The following CPNE8 variants were observed in gnomAD, a reference collection of about 807,000 sequenced individuals.
The protein encoded by CPNE8 is copine 8, also known as copine-8.
A neutral mutation model predicts 81.5 loss-of-function variants in CPNE8; 45 were observed. The ratio of observed to expected loss-of-function variants is 0.55; its 90% CI spans 0.44 to 0.71. The LOEUF (loss-of-function observed/expected upper bound fraction) is 0.71. CPNE8 is among the 30% of genes least tolerant of loss of function. The pLI is 0.00. For synonymous variants in CPNE8, 252 were observed against 226.3 expected, an observed-to-expected ratio of 1.11 and a Z score of -1.02; for missense variants, 594 against 672.1, an observed-to-expected ratio of 0.88 and a Z score of 1.28.
intron 19 of CPNE8, among the ~76,000 whole-genome samples, chr12:38,659,648 T>G (rs1367086051): frequency 6.6e-6 from 1 of 152,198 alleles, no homozygotes; most frequent in Non-Finnish European, 1.5e-5. Flanking sequence ...GAGTTGGAAG[T>G]AAAGCGCTCC....
At chr12:38,815,986 A>C (rs1211930819) in intron 6 of CPNE8, among the ~76,000 whole-genome samples, 1 of 152,194 alleles carries the variant, frequency 6.6e-6, no homozygotes, top group Non-Finnish European at 1.5e-5. Flanking sequence ...AAAATGTTTC[A>C]AGAAATTGTT....
At chr12:38,888,939 G>A (rs1045888711) in intron 1 of CPNE8, among the ~76,000 whole-genome samples, 5 of 151,976 alleles carry the variant, frequency 3.3e-5, no homozygotes, top group African/African-American at 1.2e-4. Flanking sequence ...TTCTACTAAC[G>A]TTCCTTTCTT....
intron 6 of CPNE8, among the ~76,000 whole-genome samples, chr12:38,797,997 G>A (rs907908067): frequency 6.6e-6 from 1 of 152,014 alleles, no homozygotes; most frequent in African/African-American, 2.4e-5. Flanking sequence ...GAAGTTTAGA[G>A]AAAAAAGAAT....
intron 5 of CPNE8, among the ~76,000 whole-genome samples, chr12:38,837,316 T>C (rs552972930): frequency 7.2e-5 from 11 of 152,062 alleles, no homozygotes; most frequent in Non-Finnish European, 1.3e-4. Context: ...TCAAGATAAA[T>C]CACAGAAGCA....
At chr12:38,906,339 G>C, upstream of CPNE8, 7 of 985,088 alleles carry the variant, frequency 7.1e-6, no homozygotes, top group Non-Finnish European at 7.2e-6. Context: ...GGGCGGGGGG[G>C]CGGACTCTAA....
intron 2 of CPNE8, among the ~76,000 whole-genome samples, chr12:38,873,402 G>A (rs765640297): frequency 5.9e-5 from 9 of 152,106 alleles, no homozygotes; most frequent in Non-Finnish European, 1.3e-4. Flanking sequence ...CTCTCCCTAA[G>A]ATATTTACAG....
At position 38,905,448 on chromosome 12, in the gene CPNE8, G is replaced by T. The variant is rs754614919; in HGVS notation, c.87C>A (p.Ser29=). 6.4e-7 allele frequency: 1 copy of T among 1,565,960 alleles called. No homozygotes were observed. The highest frequency in any genetic ancestry group is 1.2e-5 in the South Asian group (1 of 85,182). Residue 29 remains serine (S), a synonymous_variant, in exon 1 of 20, where the codon TCC becomes TCA. Transcript: ENST00000331366. ...AAIPATRVEV[S]VSCRNLLDRD... ...GGCTGCGTCCTCACCTGCAGGACAC[G>T]GACACCTCCACCCGCGTGGCCGGGA...
chr12:38,685,424 A>AT, intron 16 of CPNE8, 66 bp downstream of exon 16: 1 of 1,528,328 alleles, frequency 6.5e-7, no homozygotes. Context: ...TCATGCTAGC[A>AT]ACAATGTTAT....
intron 19 of CPNE8, 35 bp downstream of exon 19, chr12:38,670,694 A>C (rs1344293802): frequency 7.8e-6 from 11 of 1,409,898 alleles, no homozygotes; most frequent in Admixed American, 1.9e-5. Context: ...GATATTTTCT[A>C]GCAATAGTAA....
chr12:38,793,369 A>T (rs1942375766), intron 6 of CPNE8, among the ~76,000 whole-genome samples: 1 of 151,782 alleles, frequency 6.6e-6, no homozygotes, highest in African/African-American at 2.4e-5. Flanking sequence ...TAGAACTAAT[A>T]AACAAATTCA....
intron 6 of CPNE8, among the ~76,000 whole-genome samples, chr12:38,778,445 C>T (rs1010902010): frequency 3.0e-4 from 46 of 152,102 alleles, no homozygotes; most frequent in African/African-American, 1.1e-3. Flanking sequence ...TTCACTGTTC[C>T]CTCTCCTTTC....
intron 16 of CPNE8, among the ~76,000 whole-genome samples, chr12:38,684,460 G>T (rs1419539248): frequency 1.3e-5 from 2 of 152,078 alleles, no homozygotes; most frequent in African/African-American, 4.8e-5. Context: ...GATTGCAGAT[G>T]ATTTTGTCCG....
intron 3 of CPNE8, among the ~76,000 whole-genome samples, chr12:38,870,279 C>G (rs553513926): frequency 6.6e-6 from 1 of 152,310 alleles, no homozygotes; most frequent in African/African-American, 2.4e-5. Flanking sequence ...CCAGCAATCC[C>G]ATTACTGGAT....
At chr12:38,697,964 T>C (rs1174769092) in intron 14 of CPNE8, among the ~76,000 whole-genome samples, 2 of 152,194 alleles carry the variant, frequency 1.3e-5, no homozygotes. Flanking sequence ...CCTACTTTCT[T>C]TATAAATTAC....
chr12:38,879,724 G>T (rs988493680), intron 1 of CPNE8, among the ~76,000 whole-genome samples: 2 of 152,140 alleles, frequency 1.3e-5, no homozygotes, highest in Non-Finnish European at 2.9e-5. Context: ...ATTTGAAAAA[G>T]ACGACCTGTG....
chr12:38,667,756 T>C (rs139130970), intron 19 of CPNE8, among the ~76,000 whole-genome samples: 3 of 152,254 alleles, frequency 2.0e-5, no homozygotes, highest in Non-Finnish European at 4.4e-5. Flanking sequence ...ATCCCAATGT[T>C]ACTTTATGGT....
Position 38,701,601 on chromosome 12 carries a change from C to T in CPNE8, c.961+1274G>A, listed in dbSNP as rs573738192. Among the ~76,000 whole-genome samples, 3 of 152,264 alleles carry T rather than the reference C, an allele frequency of 2.0e-5. No homozygotes were observed. The East Asian group carries it at 5.8e-4, about 29-fold the overall frequency. On this transcript the variant is annotated intron_variant, in intron 14 of 19. Transcript: ENST00000331366. ...CTCTACCTCTTGGGTTCAAGTGATT[C>T]TCCTGCCTCAGCCTCCTGAGTAGCT...
chr12:38,820,262 G>A (rs913225677), intron 6 of CPNE8, among the ~76,000 whole-genome samples: 18 of 151,970 alleles, frequency 1.2e-4, no homozygotes, highest in South Asian at 2.1e-4. Context: ...AAAATTAGCC[G>A]GGCGTGGTGA....
At chr12:38,842,032 CA>C (rs55757005) in intron 4 of CPNE8, among the ~76,000 whole-genome samples, 38,500 of 131,406 alleles carry the variant, frequency 0.29, 5,096 homozygotes, top group Non-Finnish European at 0.35. Context: ...TTTACAATAG[CA>C]AAAAAAAAAA....
Sources: allele counts gnomAD v4.1 joint callset (sites outside exome capture counted in the v4.1 genomes callset), GRCh38; gene constraint gnomAD v4.1.1; transcripts MANE v1.5; gene names NCBI Gene and HGNC (gene_info 2026-07-23, HGNC 2026-07-21).